Variants in DNAAF6 observed in about 807,000 individuals in gnomAD.
DNAAF6 encodes the protein PIH1 domain containing 3.
Under a neutral mutation model 13.7 loss-of-function variants are expected in DNAAF6, and 3 were observed. The ratio of observed to expected loss-of-function variants is 0.22; its 90% CI spans 0.10 to 0.56. The LOEUF is 0.56. DNAAF6 is among the 20% of genes least tolerant of loss of function. The pLI, the probability that DNAAF6 is intolerant of heterozygous loss-of-function variation, is 0.92. For synonymous variants in DNAAF6, 54 were observed against 49.2 expected (o/e 1.10, Z -0.41); for missense variants, 130 against 151.0 (o/e 0.86, Z 0.73).
chrX:107,216,349 T>C (rs1927982391), intron 2 of DNAAF6, among the ~76,000 whole-genome samples: 1 of 111,982 alleles, frequency 8.9e-6, no homozygotes, highest in Non-Finnish European at 1.9e-5. Context: ...TACTTGGTTC[T>C]AACCTTCATA....
In DNAAF6 at chrX:107,214,004, G is replaced by A. The variant is rs546429093; in HGVS notation, c.153+976G>A. Among the ~76,000 whole-genome samples the A allele has an allele frequency of 7.2e-5, 8 of 111,660 alleles. No homozygotes were observed. In the South Asian group the frequency reaches 3.0e-3, roughly 42 times the overall value. On this transcript the variant is annotated intron_variant, in intron 2 of 6. Coordinates refer to ENST00000372453, the MANE Select transcript of DNAAF6 (RefSeq NM_173494.2). ...GGCAGCAAATTCAGTGGCTCAGATT[G>A]ACACTGAACTGAGCTACCACCCTAA...
chrX:107,239,920 A>G (rs1928591998), intron 6 of DNAAF6, among the ~76,000 whole-genome samples: 1 of 111,518 alleles, frequency 9.0e-6, no homozygotes, highest in African/African-American at 3.3e-5. Flanking sequence ...ACACGAATTT[A>G]CTCTTCCACA....
intron 1 of DNAAF6, among the ~76,000 whole-genome samples, chrX:107,210,180 C>T (rs1248627717): frequency 9.0e-6 from 1 of 111,035 alleles, no homozygotes; most frequent in Non-Finnish European, 1.9e-5. Context: ...AAAATGTTGC[C>T]ATTAGCATTG....
chrX:107,222,214 CCCCT>C lies in DNAAF6; in HGVS notation c.333-523_333-520del, dbSNP rs763219391. ...GTGGAGATCATTCAGTTCAAACTCACCCCTCCCTCCCATAAATCATACAAATGTA... is the reference window on the plus strand; with the variant it reads ...GTGGAGATCATTCAGTTCAAACTCACCCCTCCCATAAATCATACAAATGTA... On this transcript the variant is annotated intron_variant, in intron 4 of 6. Coordinates refer to ENST00000372453, the MANE Select transcript of DNAAF6 (RefSeq NM_173494.2). Among the ~76,000 whole-genome samples the C allele has an allele frequency of 2.6e-3, 286 of 111,328 alleles. 3 individuals are homozygous for C. Among genetic ancestry groups the C allele is most frequent in the African/African-American group, 8.7e-3 (268 of 30,663 alleles).
At chrX:107,230,668 G>A (rs148329609) in intron 5 of DNAAF6, among the ~76,000 whole-genome samples, 4 of 111,806 alleles carry the variant, frequency 3.6e-5, no homozygotes, top group South Asian at 3.8e-4. Context: ...GGGCGACTCC[G>A]TCTCAAAAGA....
chrX:107,227,505 C>T (rs1297962638), intron 5 of DNAAF6, among the ~76,000 whole-genome samples: 1 of 108,097 alleles, frequency 9.3e-6, no homozygotes, highest in Non-Finnish European at 1.9e-5. Flanking sequence ...TTTTGGTAGG[C>T]TTCCTGATTA....
At chrX:107,216,332 A>ATAC (rs768886089) in intron 2 of DNAAF6, among the ~76,000 whole-genome samples, 6 of 111,840 alleles carry the variant, frequency 5.4e-5, no homozygotes, top group Non-Finnish European at 1.1e-4. Flanking sequence ...CAATGCCTTT[A>ATAC]TACTAATACT....
intron 5 of DNAAF6, among the ~76,000 whole-genome samples, chrX:107,226,426 C>G (rs1928256896): frequency 8.9e-6 from 1 of 111,818 alleles, no homozygotes; most frequent in Non-Finnish European, 1.9e-5. Flanking sequence ...TTGCTGACTA[C>G]TGGTTATTGC....
intron 5 of DNAAF6, among the ~76,000 whole-genome samples, chrX:107,230,547 G>A (rs963334753): frequency 8.9e-6 from 1 of 111,951 alleles, no homozygotes; most frequent in Non-Finnish European, 1.9e-5. Context: ...GCCGAGCATG[G>A]TGGTGCACTT....
rs1602691560 is a variant in DNAAF6 at position 107,238,910 on chromosome X, T to A, written c.430-12T>A. The A allele has an allele frequency of 8.3e-7, 1 of 1,205,804 alleles. No individual in the cohort carries two copies. The highest frequency in any genetic ancestry group is 3.0e-5 in the East Asian group (1 of 33,725). The stretch of plus-strand genomic sequence containing the variant: ...AAGATATCACTATTTTTCTTCTCAT[T>A]TTCTCTTTCAGGCTAAAATTAAATT... On this transcript the variant is annotated splice_polypyrimidine_tract_variant and intron_variant, in intron 5 of 6. Transcript: ENST00000372453.
At chrX:107,213,067 G>A (rs1927897673) in intron 2 of DNAAF6, 39 bp downstream of exon 2, 1 of 1,133,717 alleles carries the variant, frequency 8.8e-7, no homozygotes, top group Admixed American at 2.8e-5. Flanking sequence ...TTTTGTTCAT[G>A]GGAAGTTGTG....
At chrX:107,221,294 G>A (rs978913780) in intron 4 of DNAAF6, among the ~76,000 whole-genome samples, 5 of 106,894 alleles carry the variant, frequency 4.7e-5, no homozygotes, top group Non-Finnish European at 7.7e-5. Context: ...TTTTTTCTTC[G>A]CCAACCACCG....
chrX:107,233,686 G>A (rs1323916120), intron 5 of DNAAF6, among the ~76,000 whole-genome samples: 24 of 109,814 alleles, frequency 2.2e-4, no homozygotes, highest in African/African-American at 8.0e-4. Context: ...AAAGGAAATA[G>A]GAGAGAAAAA....
At chrX:107,217,255 G>A (rs778095403) in intron 3 of DNAAF6, among the ~76,000 whole-genome samples, 4 of 111,576 alleles carry the variant, frequency 3.6e-5, no homozygotes, top group Non-Finnish European at 5.7e-5. Flanking sequence ...CGTGTGGTTA[G>A]ATCATTTTTT....
intron 5 of DNAAF6, among the ~76,000 whole-genome samples, chrX:107,224,818 C>T (rs1341249674): frequency 3.6e-5 from 4 of 109,614 alleles, no homozygotes; most frequent in Admixed American, 3.0e-4. Flanking sequence ...TTAGGTGATA[C>T]AAACCCACCC....
intron 2 of DNAAF6, among the ~76,000 whole-genome samples, chrX:107,215,193 A>T (rs1288663923): frequency 8.9e-6 from 1 of 111,769 alleles, no homozygotes; most frequent in African/African-American, 3.2e-5. Flanking sequence ...TTTTATTTTT[A>T]ATCATTTATT....
At chrX:107,235,053 A>G (rs1211322177) in intron 5 of DNAAF6, among the ~76,000 whole-genome samples, 1 of 111,816 alleles carries the variant, frequency 8.9e-6, no homozygotes, top group Non-Finnish European at 1.9e-5. Flanking sequence ...CAGCACATAG[A>G]GGACAATAAA....
rs983968873 is a variant in DNAAF6, at chrX:107,235,976, A to C, written c.430-2946A>C. Reference sequence around the variant, plus strand: ...ACCCCATCTCTACAAAAATAAAAATAAAAATAAATTAGCCAGGTGTGGTGG... The same window carrying C: ...ACCCCATCTCTACAAAAATAAAAATCAAAATAAATTAGCCAGGTGTGGTGG... On this transcript the variant is annotated intron_variant, in intron 5 of 6. Transcript: ENST00000372453. Among the ~76,000 whole-genome samples the C allele has an allele frequency of 5.5e-5, 6 of 109,939 alleles. No homozygotes were observed. The Admixed American group carries it at 5.9e-4, about 11-fold the overall frequency.
At chrX:107,235,809 C>T (rs748548022) in intron 5 of DNAAF6, among the ~76,000 whole-genome samples, 3 of 110,154 alleles carry the variant, frequency 2.7e-5, no homozygotes, top group Non-Finnish European at 5.7e-5. Context: ...ATTTGTTATG[C>T]AATAATAGAT....
Sources: allele counts gnomAD v4.1 joint callset (sites outside exome capture counted in the v4.1 genomes callset), GRCh38; gene constraint gnomAD v4.1.1; transcripts MANE v1.5; gene names NCBI Gene and HGNC (gene_info 2026-07-23, HGNC 2026-07-21).